FBXO21: variants seen among roughly 807,000 people sequenced by gnomAD.
FBXO21 encodes the protein F-box protein 21, also known as F-box only protein 21.
FBXO21 carries 32 observed loss-of-function variants against 76.6 expected under a neutral mutation model. That is an observed-to-expected ratio of 0.42 (90% confidence interval 0.32 to 0.56). The LOEUF is 0.56. Among genes scored for constraint, FBXO21 ranks in the 20% least tolerant of loss-of-function variants. The probability of loss-of-function intolerance (pLI) is 0.16; values close to 1 mark genes in which losing one functional copy is unlikely to be tolerated. For missense variants in FBXO21, 586 were observed against 797.3 expected (o/e 0.73, Z 3.19); for synonymous variants, 328 against 311.5 (o/e 1.05, Z -0.56).
At chr12:117,158,659 G>A (rs1171598762) in intron 9 of FBXO21, among the ~76,000 whole-genome samples, 3 of 152,206 alleles carry the variant, frequency 2.0e-5, no homozygotes. Flanking sequence ...ACACTAGAAG[G>A]AGGGAGCCAC....
intron 9 of FBXO21, among the ~76,000 whole-genome samples, chr12:117,159,035 T>C (rs1175821023): frequency 1.3e-5 from 2 of 152,354 alleles, no homozygotes; most frequent in East Asian, 3.9e-4. Context: ...CTGGCGTTTT[T>C]ACCTCTGAAT....
At chr12:117,163,394 G>T (rs370419209) in intron 9 of FBXO21, among the ~76,000 whole-genome samples, 7 of 151,922 alleles carry the variant, frequency 4.6e-5, no homozygotes, top group African/African-American at 1.5e-4. Context: ...TTAACCAGAC[G>T]TGGTGGCACG....
chr12:117,153,732 CG>C (rs1555239729), intron 11 of FBXO21, among the ~76,000 whole-genome samples: 1 of 152,248 alleles, frequency 6.6e-6, no homozygotes, highest in Non-Finnish European at 1.5e-5. Flanking sequence ...CGGCAGAAGA[CG>C]GGAACTCTCA....
chr12:117,186,627 ACTCT>A, intron 2 of FBXO21, 56 bp from the exon 3 acceptor site: 1 of 1,093,602 alleles, frequency 9.1e-7, no homozygotes, highest in Admixed American at 2.1e-5. Context: ...TGCAACTCTC[ACTCT>A]CACAAATTTG....
At chr12:117,163,680 C>T (rs763623037) in intron 9 of FBXO21, among the ~76,000 whole-genome samples, 3 of 151,982 alleles carry the variant, frequency 2.0e-5, no homozygotes, top group Non-Finnish European at 4.4e-5. Context: ...TGGTGTCTCA[C>T]GCCTGCAGTC....
At chr12:117,186,445 G>T in intron 3 of FBXO21, 32 bp downstream of exon 3, 1 of 1,437,972 alleles carries the variant, frequency 7.0e-7, no homozygotes, top group Non-Finnish European at 9.8e-7. Context: ...ACTTATTAAA[G>T]CAAACAAATC....
At position 117,146,975 on chromosome 12, in the gene FBXO21, G is replaced by A. The variant is rs571001741; in HGVS notation, c.1676-698C>T. Reference sequence around the variant, plus strand: ...ATAGAAAATAAGGCTGGGAGCAGTGGCTTATACCTGTAATCCCAGCACTTT... The same window carrying A: ...ATAGAAAATAAGGCTGGGAGCAGTGACTTATACCTGTAATCCCAGCACTTT... On this transcript the variant is annotated intron_variant, in intron 11 of 11. Coordinates refer to ENST00000622495, the MANE Select transcript of FBXO21 (RefSeq NM_015002.3). 2.2e-4 allele frequency among the ~76,000 whole-genome samples: 34 copies of A among 152,272 alleles called. No homozygotes were observed. In the South Asian group the frequency reaches 6.8e-3, roughly 31 times the overall value.
Position 117,190,371 on chromosome 12 carries a change from C to A in FBXO21, c.86G>T (p.Cys29Phe), listed in dbSNP as rs1279864385. ...CACCTCACCCGGCAGGTTGACGAGG[C>A]AGCTGAGGCCCGCTACCTCCGGCGC... is the stretch of plus-strand genomic sequence containing the variant. ...EAAPEVAGLS[C>F]LVNLPGEVLE... Residue 29 changes from cysteine (C) to phenylalanine (F), a missense_variant, in exon 1 of 12, where the codon TGC (cysteine) becomes TTC (phenylalanine). Cys to Phe is a radical substitution (Grantham distance 205). Transcript: ENST00000622495. The A allele has an allele frequency of 2.6e-6, 4 of 1,519,832 alleles. No individual in the cohort carries two copies. The Admixed American group carries it at 6.2e-5, about 23-fold the overall frequency. 94.1% of individuals were successfully genotyped at this position (1,519,832 alleles called of 1,614,324 possible). A position where few individuals can be genotyped will look rare whatever the true frequency, so the allele number is the denominator to read the frequency against.
At chr12:117,174,396 G>A (rs1025443550) in intron 5 of FBXO21, 55 bp from the exon 6 acceptor site, 4 of 1,583,712 alleles carry the variant, frequency 2.5e-6, no homozygotes, top group Admixed American at 1.7e-5. Context: ...TGTGACAGGT[G>A]CCCCAAACAA....
At chr12:117,166,286 CAT>C (rs1592882072) in intron 8 of FBXO21, among the ~76,000 whole-genome samples, 2 of 151,644 alleles carry the variant, frequency 1.3e-5, no homozygotes, top group Admixed American at 6.6e-5. Context: ...AAGGGGGACA[CAT>C]GTCATTATGT....
At chr12:117,162,392 G>T (rs1011381513) in intron 9 of FBXO21, among the ~76,000 whole-genome samples, 2 of 152,194 alleles carry the variant, frequency 1.3e-5, no homozygotes, top group African/African-American at 4.8e-5. Flanking sequence ...GTGCCGTCAC[G>T]GCATGTGCAG....
At chr12:117,154,485 A>AAG (rs1491087877) in intron 11 of FBXO21, among the ~76,000 whole-genome samples, 2 of 152,232 alleles carry the variant, frequency 1.3e-5, no homozygotes, top group Non-Finnish European at 2.9e-5. Flanking sequence ...TCCCAGGCTC[A>AAG]AGTGATCCTC....
chr12:117,189,778 T>C, intron 1 of FBXO21, among the ~76,000 whole-genome samples: 2 of 151,760 alleles, frequency 1.3e-5, no homozygotes, highest in African/African-American at 4.8e-5. Flanking sequence ...GGGAAGTCGC[T>C]CCCCCCAAGG....
At chr12:117,159,981 C>A (rs1354601639) in intron 9 of FBXO21, among the ~76,000 whole-genome samples, 1 of 152,206 alleles carries the variant, frequency 6.6e-6, no homozygotes, top group Non-Finnish European at 1.5e-5. Flanking sequence ...AGGCACCATG[C>A]CGTCCCCACC....
At chr12:117,164,162 T>C (rs1199405649) in intron 9 of FBXO21, among the ~76,000 whole-genome samples, 1 of 151,768 alleles carries the variant, frequency 6.6e-6, no homozygotes, top group East Asian at 1.9e-4. Flanking sequence ...CTTGGACAAG[T>C]AGTTGGTAGC....
intron 9 of FBXO21, among the ~76,000 whole-genome samples, chr12:117,158,519 GA>G (rs543350193): frequency 1.5e-3 from 223 of 151,026 alleles, no homozygotes; most frequent in African/African-American, 4.0e-3. Flanking sequence ...ATTCAGAGGG[GA>G]AAAAAAAATG....
chr12:117,177,481 C>T (rs770084618), intron 4 of FBXO21, 39 bp downstream of exon 4: 2 of 1,573,134 alleles, frequency 1.3e-6, no homozygotes, highest in Non-Finnish European at 1.7e-6. Flanking sequence ...CAGTTACCTA[C>T]AGAAATACTA....
chr12:117,152,085 G>T (rs960917229), intron 11 of FBXO21, among the ~76,000 whole-genome samples: 2 of 151,714 alleles, frequency 1.3e-5, no homozygotes, highest in Non-Finnish European at 2.9e-5. Flanking sequence ...TTCTTATCCC[G>T]ATCTAATCAG....
At chr12:117,170,404 C>T (rs374276588) in intron 7 of FBXO21, among the ~76,000 whole-genome samples, 2 of 152,080 alleles carry the variant, frequency 1.3e-5, no homozygotes, top group Admixed American at 6.6e-5. Flanking sequence ...TAAATCTATA[C>T]GGAGAGCAAA....
Sources: gnomAD v4.1 joint callset for allele counts (sites outside exome capture counted in the v4.1 genomes callset) on GRCh38, gnomAD v4.1.1 for gene constraint, MANE v1.5 for transcripts, NCBI Gene and HGNC (gene_info 2026-07-23, HGNC 2026-07-21) for gene names.